The following RBPMS variants were observed in gnomAD, a reference collection of about 807,000 sequenced individuals.
The protein encoded by RBPMS is RNA-binding protein with multiple splicing.
In RBPMS, 7 loss-of-function variants were observed where a neutral mutation model predicts 26.8. That is an observed-to-expected ratio of 0.26 (90% CI 0.15 to 0.49). The LOEUF is 0.49. RBPMS is among the 20% of genes least tolerant of loss of function. The pLI, the probability that RBPMS is intolerant of heterozygous loss-of-function variation, is 0.98. For missense variants in RBPMS, 186 were observed against 250.0 expected, an observed-to-expected ratio of 0.74 and a Z score of 1.73; for synonymous variants, 96 against 93.3, an observed-to-expected ratio of 1.03 and a Z score of -0.17.
rs369522876 is a variant in RBPMS, at chr8:30,436,236, C to T, written c.67-38543C>T. Among the ~76,000 whole-genome samples the T allele has an allele frequency of 1.8e-4, 27 of 152,098 alleles. No individual in the cohort carries two copies. In the South Asian group the frequency reaches 5.6e-3, roughly 32 times the overall value. ...ACTTTCCCCAACCTCTAAGCATTTC[C>T]TGGTACTAGGAGACTTTTATTGCTC... On this transcript the variant is annotated intron_variant, in intron 1 of 8. Transcript: ENST00000397323.
chr8:30,502,757 A>C (rs1205291095), intron 4 of RBPMS, among the ~76,000 whole-genome samples: 1 of 152,194 alleles, frequency 6.6e-6, no homozygotes, highest in Non-Finnish European at 1.5e-5. Flanking sequence ...CACCTCAGTG[A>C]GGTCCTTTGT....
chr8:30,558,495 CTA>C (rs1374213655), intron 6 of RBPMS: 1 of 317,382 alleles, frequency 3.2e-6, no homozygotes, highest in Middle Eastern at 1.1e-3. Context: ...ACCAAAGCAG[CTA>C]TGTTTCCACA....
intron 1 of RBPMS, among the ~76,000 whole-genome samples, chr8:30,411,123 G>A (rs1187069696): frequency 1.3e-5 from 2 of 152,144 alleles, no homozygotes; most frequent in Non-Finnish European, 2.9e-5. Context: ...TACTGGCACT[G>A]TAATCACAGT....
At position 30,518,671 on chromosome 8, in the gene RBPMS, GC is replaced by G. The variant is rs1206438699; in HGVS notation, c.397+14238del. On this transcript the variant is annotated intron_variant, in intron 5 of 8. Transcript: ENST00000397323. ...TTGAACTCCTGACCTCCAGTGATCC[GC>G]CCGGCCAAGCATGACTTTTTTTTTT... 3.1e-5 allele frequency among the ~76,000 whole-genome samples: 3 copies of G among 98,142 alleles called. No individual in the cohort carries two copies. In the East Asian group the frequency reaches 9.1e-4, roughly 30 times the overall value. 64.4% of individuals were successfully genotyped at this position (98,142 alleles called of 152,430 possible). A position where few individuals can be genotyped will look rare whatever the true frequency, so the allele number is the denominator to read the frequency against.
chr8:30,503,418 A>AT (rs1368108580), intron 4 of RBPMS, among the ~76,000 whole-genome samples: 3,122 of 145,120 alleles, frequency 0.022, 80 homozygotes, highest in African/African-American at 0.061. Context: ...CGCCCAGCTA[A>AT]TTTTTTTTTT....
Position 30,451,712 on chromosome 8 carries a change from T to G in RBPMS, c.67-23067T>G, listed in dbSNP as rs373196615. 3.3e-5 allele frequency among the ~76,000 whole-genome samples: 5 copies of G among 152,274 alleles called. No homozygotes were observed. The East Asian group carries it at 9.6e-4, about 29-fold the overall frequency. ...CTAAGAATAGAGAAAAATGAGAAAC[T>G]AGAGATACTTGCACAGGCTTCAGGG... is the stretch of plus-strand genomic sequence containing the variant. On this transcript the variant is annotated intron_variant, in intron 1 of 8. Coordinates refer to ENST00000397323, the MANE Select transcript of RBPMS (RefSeq NM_001008710.3).
intron 1 of RBPMS, among the ~76,000 whole-genome samples, chr8:30,435,572 T>C (rs1812363382): frequency 6.6e-6 from 1 of 152,208 alleles, no homozygotes; most frequent in Non-Finnish European, 1.5e-5. Flanking sequence ...TCCATTCATA[T>C]CAGTAATCCT....
chr8:30,387,786 G>GAAT (rs1387269846), intron 1 of RBPMS, among the ~76,000 whole-genome samples: 1 of 152,150 alleles, frequency 6.6e-6, no homozygotes, highest in Non-Finnish European at 1.5e-5. Flanking sequence ...GTTTCGAAAC[G>GAAT]AATTCCTTCT....
intron 6 of RBPMS, among the ~76,000 whole-genome samples, chr8:30,557,824 T>C (rs1303477796): frequency 1.3e-5 from 2 of 152,254 alleles, no homozygotes; most frequent in African/African-American, 4.8e-5. Flanking sequence ...CAGTGATGGA[T>C]GCCGTTAAAG....
In RBPMS at chr8:30,434,679, G is replaced by A. The variant is rs1012035733; in HGVS notation, c.67-40100G>A. ...AGATGGCACCACTGCACTCCAGCCT[G>A]GGAGACAGAGCGAGACTCTGCCTCG... On this transcript the variant is annotated intron_variant, in intron 1 of 8. Transcript: ENST00000397323. Among the ~76,000 whole-genome samples, 18 of 150,056 alleles carry A rather than the reference G, an allele frequency of 1.2e-4. 1 individual carries two copies. Among genetic ancestry groups the A allele is most frequent in the Non-Finnish European group, 2.4e-4 (16 of 67,756 alleles).
chr8:30,463,535 A>G (rs113468874), intron 1 of RBPMS, among the ~76,000 whole-genome samples: 2,732 of 152,360 alleles, frequency 0.018, 67 homozygotes, highest in African/African-American at 0.061. Flanking sequence ...CTTCTGCTAA[A>G]GAAGCCAGAA....
chr8:30,496,173 CTTT>C (rs34079966), intron 4 of RBPMS, among the ~76,000 whole-genome samples: 1 of 144,886 alleles, frequency 6.9e-6, no homozygotes. Flanking sequence ...TTGCGCATTT[CTTT>C]TTTTTTTTTT....
intron 4 of RBPMS, among the ~76,000 whole-genome samples, chr8:30,495,834 GAAC>G (rs1819881019): frequency 6.6e-6 from 1 of 152,092 alleles, no homozygotes; most frequent in African/African-American, 2.4e-5. Context: ...AATGCAAACT[GAAC>G]AACAGCCTCA....
intron 1 of RBPMS, among the ~76,000 whole-genome samples, chr8:30,441,310 C>G (rs563826854): frequency 6.6e-6 from 1 of 152,212 alleles, no homozygotes; most frequent in African/African-American, 2.4e-5. Context: ...GGGTCTGGTG[C>G]AGTGTATCAT....
At chr8:30,544,792 G>C (rs559896563) in intron 6 of RBPMS, 168 bp downstream of exon 6, 5 of 1,575,946 alleles carry the variant, frequency 3.2e-6, no homozygotes, top group Non-Finnish European at 4.3e-6. Context: ...GGACTGACGA[G>C]GATCGTCTGA....
chr8:30,458,591 A>C (rs781177421), intron 1 of RBPMS, among the ~76,000 whole-genome samples: 1 of 152,240 alleles, frequency 6.6e-6, no homozygotes, highest in Non-Finnish European at 1.5e-5. Context: ...AACAAAAACA[A>C]ATAGATTTAG....
In RBPMS at chr8:30,513,587, CAAAAAAAAA is replaced by C. The variant is rs56184994; in HGVS notation, c.397+9171_397+9179del. On this transcript the variant is annotated intron_variant, in intron 5 of 8. Coordinates refer to ENST00000397323, the MANE Select transcript of RBPMS (RefSeq NM_001008710.3). ...TGGGCGACACAGCGAGACTCCATCT[CAAAAAAAAA>C]AAAAAAAAAAAAAAAAAAATCAGGG... Among the ~76,000 whole-genome samples the C allele has an allele frequency of 3.2e-3, 342 of 108,504 alleles. 5 individuals are homozygous for C. Among genetic ancestry groups the C allele is most frequent in the Non-Finnish European group, 5.6e-3 (294 of 52,906 alleles). The allele number at this position is 108,504 out of a possible 152,430, so 71.2% of individuals were successfully genotyped here.
intron 5 of RBPMS, among the ~76,000 whole-genome samples, chr8:30,538,734 T>C (rs1164634278): frequency 6.6e-6 from 1 of 152,060 alleles, no homozygotes; most frequent in Non-Finnish European, 1.5e-5. Context: ...GTGTCAGCAG[T>C]GTTGGATCCT....
rs1168753970 is a variant in RBPMS, at chr8:30,571,431, G to GT, written c.*907dup. 2.0e-5 allele frequency: 3 copies of GT among 152,168 alleles called. No individual in the cohort carries two copies. Among genetic ancestry groups the GT allele is most frequent in the Admixed American group, 6.6e-5 (1 of 15,222 alleles). 9.4% of individuals were successfully genotyped at this position (152,168 alleles called of 1,614,324 possible). Reference sequence around the variant, plus strand: ...AGCCCCGCATCCCTGCTCCCGCAGTGTAAGTGCAGAGCCTGCCTCACTGGT... The same window carrying GT: ...AGCCCCGCATCCCTGCTCCCGCAGTGTTAAGTGCAGAGCCTGCCTCACTGGT... On this transcript the variant is annotated 3_prime_UTR_variant, in exon 9 of 9. Coordinates refer to ENST00000397323, the MANE Select transcript of RBPMS (RefSeq NM_001008710.3).
Sources: allele counts gnomAD v4.1 joint callset (sites outside exome capture counted in the v4.1 genomes callset), GRCh38; gene constraint gnomAD v4.1.1; transcripts MANE v1.5; gene names NCBI Gene and HGNC (gene_info 2026-07-23, HGNC 2026-07-21).